The following TSPAN4 variants were observed in gnomAD, a reference collection of about 807,000 sequenced individuals.
TSPAN4 encodes tetraspanin 4.
In TSPAN4, 38 loss-of-function variants were observed where a neutral mutation model predicts 31.5. The observed-to-expected ratio is 1.21, with a 90% confidence interval of 0.93 to 1.58. The LOEUF is 1.58. Among genes scored for constraint, TSPAN4 ranks in the 40% most tolerant of loss-of-function variants. TSPAN4 has a pLI of 0.00. For synonymous variants in TSPAN4, 186 were observed against 144.6 expected (o/e 1.29, Z -2.06); for missense variants, 330 against 317.3 (o/e 1.04, Z -0.30).
intron 3 of TSPAN4, among the ~76,000 whole-genome samples, chr11:855,940 G>A (rs554151218): frequency 4.9e-4 from 75 of 152,348 alleles, no homozygotes; most frequent in Non-Finnish European, 9.0e-4. Context: ...TGGCCAGAGG[G>A]GCAGTGGGCT....
At chr11:866,148 G>A in intron 8 of TSPAN4, 147 bp downstream of exon 8, 1 of 826,010 alleles carries the variant, frequency 1.2e-6, no homozygotes, top group Non-Finnish European at 1.9e-6. Context: ...CAGGGGGATG[G>A]GCAGGGACGG....
At chr11:856,905 C>T (rs1848074372) in intron 3 of TSPAN4, 1 of 152,246 alleles carries the variant, frequency 6.6e-6, no homozygotes, top group Non-Finnish European at 1.5e-5. Flanking sequence ...TTTTATTAAC[C>T]ACGTGCACGC....
At chr11:846,209 G>C (rs544582381) in intron 1 of TSPAN4, among the ~76,000 whole-genome samples, 1 of 152,350 alleles carries the variant, frequency 6.6e-6, no homozygotes, top group East Asian at 1.9e-4. Flanking sequence ...CTGCTGCCCT[G>C]CTGCTGGGGC....
At chr11:853,329 G>C (rs1847860447) in intron 3 of TSPAN4, among the ~76,000 whole-genome samples, 1 of 152,122 alleles carries the variant, frequency 6.6e-6, no homozygotes, top group African/African-American at 2.4e-5. Context: ...GGCCCTCACA[G>C]TACTCCTGGC....
rs1351845202 is a variant in TSPAN4 at position 854,178 on chromosome 11, C to T, written c.63+3811C>T. 5.9e-5 allele frequency among the ~76,000 whole-genome samples: 9 copies of T among 152,222 alleles called. No individual in the cohort carries two copies. The East Asian group carries it at 1.7e-3, about 29-fold the overall frequency. ...GCAAGGTGCCACCACGAAGGGCTGT[C>T]CTCCCGCCCTCCTGGCCTCGGCTCC... On this transcript the variant is annotated intron_variant, in intron 3 of 8. Coordinates refer to ENST00000397397, the MANE Select transcript of TSPAN4 (RefSeq NM_003271.5).
At chr11:850,568 G>T (rs988195391) in intron 3 of TSPAN4, among the ~76,000 whole-genome samples, 1 of 152,212 alleles carries the variant, frequency 6.6e-6, no homozygotes, top group African/African-American at 2.4e-5. Flanking sequence ...CCATCGCGGG[G>T]TCCGCCCCCT....
chr11:848,960 G>T lies in TSPAN4; in HGVS notation c.-17-1328G>T. The T allele has an allele frequency of 1.5e-6, 1 of 685,608 alleles. No individual in the cohort carries two copies. Among genetic ancestry groups the T allele is most frequent in the South Asian group, 1.6e-5 (1 of 63,722 alleles). 42.5% of individuals were successfully genotyped at this position (685,608 alleles called of 1,614,324 possible). A position where few individuals can be genotyped will look rare whatever the true frequency, so the allele number is the denominator to read the frequency against. Reference sequence around the variant, plus strand: ...TATGTCTGTACCTGTCAAGGGGTGGGGTGGGGTCTTTTACAGGCTGACTTC... The same window carrying T: ...TATGTCTGTACCTGTCAAGGGGTGGTGTGGGGTCTTTTACAGGCTGACTTC... On this transcript the variant is annotated intron_variant, in intron 2 of 8. Coordinates refer to ENST00000397397, the MANE Select transcript of TSPAN4 (RefSeq NM_003271.5). The surrounding 1 kb of genome is among the most constrained non-coding windows in gnomAD (Gnocchi z 5.7).
At position 865,643 on chromosome 11, in the gene TSPAN4, G is replaced by A. The variant is rs765749741; in HGVS notation, c.432+29G>A. On this transcript the variant is annotated intron_variant, in intron 6 of 8. Coordinates refer to ENST00000397397, the MANE Select transcript of TSPAN4 (RefSeq NM_003271.5). ...AGGCGTGGGCAGGTGGGCGGGGTCG[G>A]CGGGTGCCCCCTCCCCTCCTGCCTC... The A allele has an allele frequency of 3.1e-6, 5 of 1,612,362 alleles. No individual in the cohort carries two copies. The Admixed American group carries it at 8.3e-5, about 27-fold the overall frequency.
At chr11:863,152 T>G in intron 4 of TSPAN4, 1 of 164,056 alleles carries the variant, frequency 6.1e-6, no homozygotes, top group Non-Finnish European at 1.3e-5. Context: ...GGGGGCCTGG[T>G]CTCTCAGCTC....
chr11:864,639 G>C, intron 5 of TSPAN4, 128 bp downstream of exon 5: 1 of 1,216,456 alleles, frequency 8.2e-7, no homozygotes, highest in Non-Finnish European at 1.2e-6. Context: ...CAGGACAGCG[G>C]GTGTGGATTT....
chr11:853,824 T>C (rs1349259476), intron 3 of TSPAN4, among the ~76,000 whole-genome samples: 1 of 151,842 alleles, frequency 6.6e-6, no homozygotes, highest in African/African-American at 2.4e-5. Context: ...CCTGCAGAGG[T>C]TGGGGAGTGG....
rs1307939516 is a variant in TSPAN4 at position 865,868 on chromosome 11, G to A, written c.564+43G>A. The A allele has an allele frequency of 5.0e-6, 8 of 1,612,604 alleles. No individual in the cohort carries two copies. The East Asian group carries it at 8.9e-5, about 18-fold the overall frequency. On this transcript the variant is annotated intron_variant, in intron 7 of 8. Coordinates refer to ENST00000397397, the MANE Select transcript of TSPAN4 (RefSeq NM_003271.5). ...CCTGGGGGCTGGTAGGGGCCTAGAG[G>A]GCGGGACCAGCAGGCCCTGCCGTGA...
intron 8 of TSPAN4, among the ~76,000 whole-genome samples, chr11:866,240 T>G (rs948924164): frequency 6.6e-6 from 1 of 151,532 alleles, no homozygotes; most frequent in Non-Finnish European, 1.5e-5. Flanking sequence ...TCCATGTTGG[T>G]CGGTGGCCCA....
At chr11:862,859 G>A (rs995436352) in intron 4 of TSPAN4, 118 bp downstream of exon 4, 68 of 1,126,614 alleles carry the variant, frequency 6.0e-5, no homozygotes, top group Non-Finnish European at 8.0e-5. Flanking sequence ...CTCTGGGGCC[G>A]GACCTCCAGG....
intron 3 of TSPAN4, among the ~76,000 whole-genome samples, chr11:850,592 C>CT (rs1847625896): frequency 6.6e-6 from 1 of 152,118 alleles, no homozygotes; most frequent in Admixed American, 6.5e-5. Flanking sequence ...CTCAGAGCGG[C>CT]TGCCCCACGC....
intron 3 of TSPAN4, among the ~76,000 whole-genome samples, chr11:854,433 C>A (rs1291969795): frequency 6.6e-6 from 1 of 152,176 alleles, no homozygotes. Flanking sequence ...GGGTGAGGTC[C>A]CCATATACTG....
chr11:847,766 A>G (rs1847402720), intron 2 of TSPAN4, among the ~76,000 whole-genome samples: 1 of 152,170 alleles, frequency 6.6e-6, no homozygotes, highest in Admixed American at 6.5e-5. Flanking sequence ...CTGGGACTGC[A>G]TCCTGGGCGC....
intron 3 of TSPAN4, chr11:857,803 C>G: frequency 6.6e-6 from 1 of 152,278 alleles, no homozygotes; most frequent in East Asian, 1.9e-4. Context: ...TGGAATGAGA[C>G]TTGTGGGGTT....
intron 2 of TSPAN4, among the ~76,000 whole-genome samples, chr11:847,735 T>TG (rs976480538): frequency 1.8e-4 from 27 of 149,010 alleles, no homozygotes; most frequent in African/African-American, 6.7e-4. Flanking sequence ...GGAAAGGGGG[T>TG]GGGAGGGGTC....
Sources: allele counts gnomAD v4.1 joint callset (sites outside exome capture counted in the v4.1 genomes callset), GRCh38; gene constraint gnomAD v4.1.1; non-coding constraint Gnocchi (gnomAD v3.1); transcripts MANE v1.5; gene names NCBI Gene and HGNC (gene_info 2026-07-23, HGNC 2026-07-21).